IGSF21: variants seen among roughly 807,000 people sequenced by gnomAD.
IGSF21 encodes the protein immunoglobulin superfamily member 21.
Under a neutral mutation model 46.8 loss-of-function variants are expected in IGSF21, and 28 were observed. The ratio of observed to expected loss-of-function variants is 0.60; its 90% CI spans 0.44 to 0.82. The LOEUF is 0.82. Among genes scored for constraint, IGSF21 ranks in the 40% least tolerant of loss-of-function variants. IGSF21 has a pLI of 0.00. For synonymous variants in IGSF21, 284 were observed against 273.6 expected (o/e 1.04, Z -0.38); for missense variants, 624 against 665.5 (o/e 0.94, Z 0.69).
At chr1:18,134,080 G>A (rs2086346859) in intron 1 of IGSF21, among the ~76,000 whole-genome samples, 2 of 152,270 alleles carry the variant, frequency 1.3e-5, no homozygotes, top group South Asian at 2.1e-4. Flanking sequence ...CAAACTAGAG[G>A]AAGGTAATGT....
At chr1:18,359,387 G>GAAAGGAAGAAAGAAAGA (rs1557659651) in intron 4 of IGSF21, among the ~76,000 whole-genome samples, 1 of 33,858 alleles carries the variant, frequency 3.0e-5, no homozygotes, top group African/African-American at 1.1e-4. Flanking sequence ...AGAAAGAAAG[G>GAAAGGAAGAAAGAAAGA]AAGGAAGGAA....
intron 1 of IGSF21, among the ~76,000 whole-genome samples, chr1:18,135,516 G>A (rs543620424): frequency 8.7e-4 from 132 of 151,516 alleles, no homozygotes; most frequent in African/African-American, 3.2e-3. Context: ...GCGGTGTTTG[G>A]TTTTTTGTCC....
At chr1:18,156,008 C>T (rs184111672) in intron 1 of IGSF21, among the ~76,000 whole-genome samples, 146 of 152,344 alleles carry the variant, frequency 9.6e-4, no homozygotes, top group Non-Finnish European at 1.1e-3. Context: ...GATGTGCCAC[C>T]GGCCTGGCAG....
chr1:18,313,577 G>A (rs66814535), intron 3 of IGSF21, among the ~76,000 whole-genome samples: 29,825 of 152,174 alleles, frequency 0.2, 3,112 homozygotes, highest in Non-Finnish European at 0.22. Flanking sequence ...TGATGATTAT[G>A]TGCTAACATT....
intron 2 of IGSF21, among the ~76,000 whole-genome samples, chr1:18,284,532 T>C (rs1457708542): frequency 6.6e-6 from 1 of 152,208 alleles, no homozygotes; most frequent in Non-Finnish European, 1.5e-5. Context: ...TGCTTTTACA[T>C]ATGTTTGTTT....
intron 3 of IGSF21, among the ~76,000 whole-genome samples, chr1:18,298,701 C>A (rs974597881): frequency 6.6e-6 from 1 of 152,224 alleles, no homozygotes; most frequent in African/African-American, 2.4e-5. Context: ...CTTTATTACT[C>A]TGAGGTGCAT....
At chr1:18,252,917 G>A (rs1363496995) in intron 2 of IGSF21, among the ~76,000 whole-genome samples, 1 of 152,168 alleles carries the variant, frequency 6.6e-6, no homozygotes, top group Non-Finnish European at 1.5e-5. Context: ...AGGGCTACAT[G>A]AGATAGTGTA....
intron 3 of IGSF21, among the ~76,000 whole-genome samples, chr1:18,298,026 G>C (rs2085327997): frequency 6.6e-6 from 1 of 152,158 alleles, no homozygotes; most frequent in South Asian, 2.1e-4. Context: ...AAGCCAGCCA[G>C]GCAAGGTTGG....
intron 1 of IGSF21, among the ~76,000 whole-genome samples, chr1:18,133,794 G>C (rs892446561): frequency 1.3e-5 from 2 of 152,248 alleles, no homozygotes; most frequent in African/African-American, 2.4e-5. Flanking sequence ...AGCCTCCGGT[G>C]GGGGGCTTTG....
intron 1 of IGSF21, chr1:18,111,972 C>T (rs769028064): frequency 6.6e-6 from 1 of 152,252 alleles, no homozygotes; most frequent in East Asian, 1.9e-4. Context: ...GAACGTCAGT[C>T]ACAGACACAC....
At chr1:18,193,835 A>C (rs1259285362) in intron 1 of IGSF21, among the ~76,000 whole-genome samples, 1 of 152,184 alleles carries the variant, frequency 6.6e-6, no homozygotes, top group Non-Finnish European at 1.5e-5. Context: ...GTGTTTGTCT[A>C]TTATATGCTT....
At chr1:18,250,310 C>T (rs927035281) in intron 2 of IGSF21, among the ~76,000 whole-genome samples, 2 of 151,926 alleles carry the variant, frequency 1.3e-5, no homozygotes, top group Non-Finnish European at 2.9e-5. Flanking sequence ...AGACTGGGAA[C>T]CCCTGAGGCC....
chr1:18,248,053 T>TG (rs1468516865), intron 2 of IGSF21, among the ~76,000 whole-genome samples: 4 of 152,246 alleles, frequency 2.6e-5, no homozygotes, highest in African/African-American at 9.6e-5. Context: ...GCATCTACAC[T>TG]GGCAAGGATA....
At chr1:18,139,129 C>T (rs75284478) in intron 1 of IGSF21, among the ~76,000 whole-genome samples, 16,161 of 152,234 alleles carry the variant, frequency 0.11, 1,127 homozygotes, top group Non-Finnish European at 0.15. Context: ...AATGGCAACA[C>T]TTTTTATTCT....
intron 1 of IGSF21, among the ~76,000 whole-genome samples, chr1:18,126,565 G>T (rs949838320): frequency 1.3e-5 from 2 of 152,142 alleles, no homozygotes; most frequent in Non-Finnish European, 2.9e-5. Context: ...GCTCACAGCT[G>T]CTGTTGGGGA....
At chr1:18,358,622 T>C (rs2086050469) in intron 4 of IGSF21, among the ~76,000 whole-genome samples, 1 of 152,244 alleles carries the variant, frequency 6.6e-6, no homozygotes, top group Non-Finnish European at 1.5e-5. Context: ...GCAAGGAGGC[T>C]CAAATAAGAA....
In IGSF21 at chr1:18,351,168, G is replaced by A. The variant is rs563619884; in HGVS notation, c.425-10947G>A. 8.5e-5 allele frequency among the ~76,000 whole-genome samples: 13 copies of A among 152,204 alleles called. No homozygotes were observed. In the South Asian group the frequency reaches 2.1e-3, roughly 24 times the overall value. The stretch of plus-strand genomic sequence containing the variant: ...CGGAATCTTCAGCCCCCTGACTCTC[G>A]GTTGACACCTTTTCCCCTGACACAA... On this transcript the variant is annotated intron_variant, in intron 4 of 9. Transcript: ENST00000251296.
intron 1 of IGSF21, among the ~76,000 whole-genome samples, chr1:18,116,793 G>A (rs2086193220): frequency 6.6e-6 from 1 of 152,268 alleles, no homozygotes; most frequent in Non-Finnish European, 1.5e-5. Context: ...ATTAAAGGGA[G>A]TGGCCCAGGA....
intron 3 of IGSF21, among the ~76,000 whole-genome samples, chr1:18,305,064 C>T (rs12135180): frequency 0.56 from 85,143 of 151,978 alleles, 25,037 homozygotes; most frequent in East Asian, 0.81. Context: ...TGAGGATGAT[C>T]GGGAAGGTCT....
Sources: gnomAD v4.1 joint callset for allele counts (sites outside exome capture counted in the v4.1 genomes callset) on GRCh38, gnomAD v4.1.1 for gene constraint, MANE v1.5 for transcripts, NCBI Gene and HGNC (gene_info 2026-07-23, HGNC 2026-07-21) for gene names.